Variants in FARSB observed in about 807,000 individuals in gnomAD.
FARSB encodes phenylalanyl-tRNA synthetase subunit beta.
A neutral mutation model predicts 69.6 loss-of-function variants in FARSB; 40 were observed. The ratio of observed to expected loss-of-function variants is 0.57; its 90% CI spans 0.45 to 0.75. FARSB has a LOEUF of 0.75. FARSB is among the 30% of genes least tolerant of loss of function. FARSB has a pLI of 0.00. For missense variants in FARSB, 632 were observed against 722.9 expected, an observed-to-expected ratio of 0.87 and a Z score of 1.44; for synonymous variants, 235 against 247.2, an observed-to-expected ratio of 0.95 and a Z score of 0.46.
rs1232211390 is a variant in FARSB at position 222,652,280 on chromosome 2, G to A, written c.59-3485C>T. On this transcript the variant is annotated intron_variant, in intron 1 of 16. Transcript: ENST00000281828. ...ACTTCTGAGGGCCTTGGGAGGGGGT[G>A]AGTATATTTTGCATATGGGAGGAAC... Among the ~76,000 whole-genome samples, 4 of 152,290 alleles carry A rather than the reference G, an allele frequency of 2.6e-5. No individual in the cohort carries two copies. In the South Asian group the frequency reaches 6.2e-4, roughly 24 times the overall value.
At chr2:222,642,019 G>A (rs557450575) in intron 3 of FARSB, among the ~76,000 whole-genome samples, 152 of 95,576 alleles carry the variant, frequency 1.6e-3, no homozygotes, top group African/African-American at 5.7e-3. Flanking sequence ...TTTTTTTTTT[G>A]AAACAGAGTC....
At chr2:222,637,872 A>G (rs1241640967) in intron 5 of FARSB, among the ~76,000 whole-genome samples, 1 of 152,108 alleles carries the variant, frequency 6.6e-6, no homozygotes, top group Non-Finnish European at 1.5e-5. Context: ...AGTCCCAGCT[A>G]CTTAGGAGGC....
chr2:222,612,882 C>A (rs186089818), intron 15 of FARSB, among the ~76,000 whole-genome samples: 30 of 152,296 alleles, frequency 2.0e-4, no homozygotes, highest in Non-Finnish European at 4.1e-4. Flanking sequence ...AAGTGTTGGA[C>A]CAAGCAACCC....
intron 16 of FARSB, among the ~76,000 whole-genome samples, chr2:222,584,052 A>G (rs1003920512): frequency 6.6e-6 from 1 of 152,206 alleles, no homozygotes; most frequent in Non-Finnish European, 1.5e-5. Flanking sequence ...TAAAACTTGC[A>G]TAGGGCCTGA....
At chr2:222,581,746 A>T (rs1689974077) in intron 16 of FARSB, among the ~76,000 whole-genome samples, 1 of 152,230 alleles carries the variant, frequency 6.6e-6, no homozygotes, top group Non-Finnish European at 1.5e-5. Context: ...AAAACTAGAG[A>T]AGATTGACAA....
chr2:222,599,441 C>T (rs1176999852), intron 16 of FARSB, among the ~76,000 whole-genome samples: 2 of 152,220 alleles, frequency 1.3e-5, no homozygotes, highest in African/African-American at 4.8e-5. Flanking sequence ...AGGATTCCCA[C>T]CCTTGCTCTG....
chr2:222,644,341 A>G (rs765367161), intron 2 of FARSB, among the ~76,000 whole-genome samples: 4 of 152,098 alleles, frequency 2.6e-5, no homozygotes, highest in Non-Finnish European at 4.4e-5. Flanking sequence ...TAGGAGGCAA[A>G]TTTTTATAAT....
rs554187235 is a variant in FARSB at position 222,601,081 on chromosome 2, A to G, written c.1463-998T>C. 3.0e-4 allele frequency among the ~76,000 whole-genome samples: 45 copies of G among 152,292 alleles called. 1 individual carries two copies. In the South Asian group the frequency reaches 8.5e-3, roughly 29 times the overall value. On this transcript the variant is annotated intron_variant, in intron 15 of 16. Coordinates refer to ENST00000281828, the MANE Select transcript of FARSB (RefSeq NM_005687.5). ...AGTATCTAAGTCATGAAACTCGGAGAAACAGAAAGTAGAAAGGTAGCTGCC... is the reference window on the plus strand; with the variant it reads ...AGTATCTAAGTCATGAAACTCGGAGGAACAGAAAGTAGAAAGGTAGCTGCC...
chr2:222,602,343 T>TA (rs890396291), intron 15 of FARSB, among the ~76,000 whole-genome samples: 1 of 151,628 alleles, frequency 6.6e-6, no homozygotes, highest in African/African-American at 2.4e-5. Flanking sequence ...AATGTGATCT[T>TA]AAAAAAAATA....
chr2:222,620,356 A>G (rs752885672), intron 13 of FARSB, among the ~76,000 whole-genome samples: 12 of 152,256 alleles, frequency 7.9e-5, no homozygotes, highest in South Asian at 4.1e-4. Context: ...GACTGACAAC[A>G]GAATTCAAGT....
chr2:222,585,923 A>C (rs1382528608), intron 16 of FARSB, among the ~76,000 whole-genome samples: 1 of 152,232 alleles, frequency 6.6e-6, no homozygotes, highest in Admixed American at 6.5e-5. Flanking sequence ...GAATGGAACC[A>C]AGTTGGAAAA....
chr2:222,627,296 C>T (rs528767768), intron 10 of FARSB, among the ~76,000 whole-genome samples: 48 of 152,286 alleles, frequency 3.2e-4, no homozygotes, highest in African/African-American at 1.0e-3. Flanking sequence ...TGAAAAATGC[C>T]TGGGCACTGG....
At chr2:222,614,864 A>G (rs1166389703) in intron 14 of FARSB, among the ~76,000 whole-genome samples, 1 of 152,200 alleles carries the variant, frequency 6.6e-6, no homozygotes, top group Admixed American at 6.5e-5. Flanking sequence ...AACCATAAAT[A>G]AATTAAATAT....
At chr2:222,603,982 C>T (rs1202005584) in intron 15 of FARSB, among the ~76,000 whole-genome samples, 1 of 151,814 alleles carries the variant, frequency 6.6e-6, no homozygotes, top group East Asian at 1.9e-4. Flanking sequence ...TTTGGGAGGC[C>T]AAGGCAGGCG....
At chr2:222,587,270 C>T (rs979972345) in intron 16 of FARSB, among the ~76,000 whole-genome samples, 2 of 152,204 alleles carry the variant, frequency 1.3e-5, no homozygotes, top group Non-Finnish European at 1.5e-5. Context: ...GGGTACCTAA[C>T]GAAATGAAGT....
At chr2:222,644,465 G>C (rs913427819) in intron 2 of FARSB, 2 of 439,206 alleles carry the variant, frequency 4.6e-6, no homozygotes, top group Middle Eastern at 3.3e-4. Flanking sequence ...GGAAGAATTC[G>C]AGTTTAAACA....
intron 16 of FARSB, among the ~76,000 whole-genome samples, chr2:222,573,159 A>G (rs1296436999): frequency 6.6e-6 from 1 of 152,212 alleles, no homozygotes; most frequent in Non-Finnish European, 1.5e-5. Flanking sequence ...AGTTAGTACC[A>G]CAGAGACAAA....
At chr2:222,648,095 G>A (rs1323868165) in intron 2 of FARSB, among the ~76,000 whole-genome samples, 1 of 152,050 alleles carries the variant, frequency 6.6e-6, no homozygotes, top group Non-Finnish European at 1.5e-5. Flanking sequence ...CCGCGAGGAA[G>A]GACTCAGACC....
chr2:222,611,533 A>C (rs1032476221), intron 15 of FARSB, among the ~76,000 whole-genome samples: 6 of 152,054 alleles, frequency 3.9e-5, no homozygotes, highest in African/African-American at 1.4e-4. Flanking sequence ...CTGTAGACTC[A>C]ACCTTCTGGG....
Sources: allele counts gnomAD v4.1 joint callset (sites outside exome capture counted in the v4.1 genomes callset), GRCh38; gene constraint gnomAD v4.1.1; transcripts MANE v1.5; gene names NCBI Gene and HGNC (gene_info 2026-07-23, HGNC 2026-07-21).